Variants in NFATC1 observed in about 807,000 individuals in gnomAD.
NFATC1 encodes nuclear factor of activated T cells 1, also known as nuclear factor of activated T-cells, cytoplasmic 1.
NFATC1 carries 22 observed loss-of-function variants against 76.0 expected under a neutral mutation model. The observed-to-expected ratio is 0.29, with a 90% CI of 0.21 to 0.41. The LOEUF (loss-of-function observed/expected upper bound fraction) is 0.41. Among genes scored for constraint, NFATC1 ranks in the 10% least tolerant of loss-of-function variants. NFATC1 has a pLI of 1.00. For missense variants in NFATC1, 1,357 were observed against 1,337.7 expected (o/e 1.01, Z -0.23); for synonymous variants, 704 against 613.1 (o/e 1.15, Z -2.19).
chr18:79,517,764 G>C (rs376811240), intron 9 of NFATC1, among the ~76,000 whole-genome samples: 4 of 152,274 alleles, frequency 2.6e-5, no homozygotes, highest in African/African-American at 7.2e-5. Context: ...TAGCACAATT[G>C]GTTGTTGATT....
intron 5 of NFATC1, 63 bp from the exon 6 acceptor site, chr18:79,451,613 A>C (rs1600753851): frequency 7.0e-7 from 1 of 1,438,336 alleles, no homozygotes; most frequent in East Asian, 2.6e-5. Flanking sequence ...GCTGGGTGCC[A>C]CACGTGTGCC....
At chr18:79,505,796 TGTGTGG>T (rs1329402765) in intron 9 of NFATC1, among the ~76,000 whole-genome samples, 7 of 145,846 alleles carry the variant, frequency 4.8e-5, no homozygotes, top group African/African-American at 1.9e-4. Context: ...AGGAGACTGC[TGTGTGG>T]GAGGAGGTGG....
At chr18:79,440,237 G>A (rs1035735777) in intron 3 of NFATC1, among the ~76,000 whole-genome samples, 1 of 152,208 alleles carries the variant, frequency 6.6e-6, no homozygotes, top group African/African-American at 2.4e-5. Flanking sequence ...AAGATGACGC[G>A]TGGGCTCTGG....
intron 8 of NFATC1, chr18:79,469,741 G>A (rs1237465066): frequency 7.1e-6 from 7 of 985,604 alleles, no homozygotes; most frequent in Admixed American, 1.2e-4. Flanking sequence ...TGCCTCCGTC[G>A]TCTCTTCTCT....
At chr18:79,487,088 G>A in intron 9 of NFATC1, 151 bp downstream of exon 9, 1 of 927,476 alleles carries the variant, frequency 1.1e-6, no homozygotes, top group Non-Finnish European at 1.5e-6. Flanking sequence ...GATATAAAGT[G>A]CCCGTGCGGT....
chr18:79,472,534 C>T (rs76197154), intron 8 of NFATC1, among the ~76,000 whole-genome samples: 280 of 152,348 alleles, frequency 1.8e-3, no homozygotes, highest in South Asian at 3.3e-3. Context: ...CAGTGAAGTT[C>T]TTGAGGTCTC....
At chr18:79,444,151 G>A (rs548322297) in intron 3 of NFATC1, among the ~76,000 whole-genome samples, 72 of 152,368 alleles carry the variant, frequency 4.7e-4, no homozygotes, top group African/African-American at 1.7e-3. Context: ...TTCCCAGAGA[G>A]CAGTGAGCTG....
At chr18:79,516,576 T>C (rs2090390526) in intron 9 of NFATC1, among the ~76,000 whole-genome samples, 1 of 152,114 alleles carries the variant, frequency 6.6e-6, no homozygotes, top group African/African-American at 2.4e-5. Flanking sequence ...TGTCGGACAG[T>C]TTAGGGTGGA....
chr18:79,430,823 G>A (rs1364328027), intron 2 of NFATC1, among the ~76,000 whole-genome samples: 1 of 152,224 alleles, frequency 6.6e-6, no homozygotes, highest in Non-Finnish European at 1.5e-5. Flanking sequence ...CCACTGCAGA[G>A]GGGCCCTTCA....
chr18:79,456,214 G>A (rs188179959), intron 6 of NFATC1, among the ~76,000 whole-genome samples: 22 of 152,322 alleles, frequency 1.4e-4, no homozygotes, highest in Non-Finnish European at 2.5e-4. Context: ...CGGAACCACC[G>A]TGGCCTTGGC....
intron 9 of NFATC1, among the ~76,000 whole-genome samples, chr18:79,513,406 CCCACCCACCTT>C (rs1233175637): frequency 6.6e-6 from 1 of 152,220 alleles, no homozygotes; most frequent in African/African-American, 2.4e-5. Context: ...CCACCCGCCT[CCCACCCACCTT>C]CCCAGATACC....
chr18:79,517,530 G>A (rs929662332), intron 9 of NFATC1, among the ~76,000 whole-genome samples: 22 of 152,204 alleles, frequency 1.4e-4, no homozygotes, highest in Non-Finnish European at 3.1e-4. Context: ...GGGACGCTGC[G>A]ACAGGAAGAG....
intron 3 of NFATC1, among the ~76,000 whole-genome samples, chr18:79,437,002 G>A (rs192867236): frequency 1.4e-4 from 22 of 152,280 alleles, no homozygotes; most frequent in Non-Finnish European, 2.8e-4. Context: ...CTGCCACGGC[G>A]CTAAAAACAC....
intron 9 of NFATC1, among the ~76,000 whole-genome samples, chr18:79,504,641 C>G (rs2090084956): frequency 6.6e-6 from 1 of 152,200 alleles, no homozygotes; most frequent in Non-Finnish European, 1.5e-5. Flanking sequence ...AACGTGGTGC[C>G]CACAGACATG....
intron 9 of NFATC1, among the ~76,000 whole-genome samples, chr18:79,504,921 G>T (rs71359463): frequency 7.7e-5 from 6 of 77,688 alleles, no homozygotes. Context: ...CCTTGGGTGA[G>T]GGAAGAGGCA....
intron 6 of NFATC1, among the ~76,000 whole-genome samples, chr18:79,459,215 C>T (rs2087918706): frequency 6.6e-6 from 1 of 152,250 alleles, no homozygotes; most frequent in Admixed American, 6.5e-5. Flanking sequence ...TCCATGGCAG[C>T]TGCTGAGCTG....
chr18:79,451,876 C>T (rs1600755241), intron 6 of NFATC1, 60 bp downstream of exon 6: 10 of 1,554,204 alleles, frequency 6.4e-6, no homozygotes, highest in Non-Finnish European at 8.7e-6. Context: ...GGAACCGGTT[C>T]CCAGTCGGTG....
At chr18:79,415,548 C>T (rs1316897084) in intron 2 of NFATC1, among the ~76,000 whole-genome samples, 1 of 151,930 alleles carries the variant, frequency 6.6e-6, no homozygotes, top group Non-Finnish European at 1.5e-5. Flanking sequence ...TCCCAAAGTG[C>T]TGGGATTACA....
intron 9 of NFATC1, among the ~76,000 whole-genome samples, chr18:79,501,965 A>G (rs1469961131): frequency 1.3e-5 from 2 of 152,226 alleles, no homozygotes; most frequent in African/African-American, 2.4e-5. Context: ...TGCAATCTCC[A>G]TCAAAACTCC....
Sources: gnomAD v4.1 joint callset for allele counts (sites outside exome capture counted in the v4.1 genomes callset) on GRCh38, gnomAD v4.1.1 for gene constraint, MANE v1.5 for transcripts, NCBI Gene and HGNC (gene_info 2026-07-23, HGNC 2026-07-21) for gene names.